Variants in SPRED2 observed in about 807,000 individuals in gnomAD.
SPRED2 encodes sprouty related EVH1 domain containing 2, also known as sprouty-related, EVH1 domain-containing protein 2.
SPRED2 carries 47 observed loss-of-function variants against 43.0 expected under a neutral mutation model. The observed-to-expected ratio is 1.09, with a 90% CI of 0.87 to 1.40. SPRED2 has a LOEUF of 1.40. SPRED2 is among the 40% of genes most tolerant of loss of function. The pLI, the probability that SPRED2 is intolerant of heterozygous loss-of-function variation, is 0.00. For missense variants in SPRED2, 561 were observed against 586.4 expected, an observed-to-expected ratio of 0.96 and a Z score of 0.45; for synonymous variants, 225 against 225.7, an observed-to-expected ratio of 1.00 and a Z score of 0.03.
chr2:65,372,542 G>C (rs1455836975), intron 1 of SPRED2, among the ~76,000 whole-genome samples: 1 of 152,156 alleles, frequency 6.6e-6, no homozygotes, highest in Non-Finnish European at 1.5e-5. Context: ...TGGCAAAAGA[G>C]TGTTGAGGAC....
chr2:65,383,922 G>A (rs946666989), intron 1 of SPRED2, among the ~76,000 whole-genome samples: 3 of 152,184 alleles, frequency 2.0e-5, no homozygotes, highest in Non-Finnish European at 4.4e-5. Flanking sequence ...CAAAAACCTT[G>A]ATCTGCAGGT....
intron 1 of SPRED2, among the ~76,000 whole-genome samples, chr2:65,394,444 G>A (rs1675707232): frequency 6.6e-6 from 1 of 152,250 alleles, no homozygotes; most frequent in African/African-American, 2.4e-5. Context: ...TTTAAAAGCA[G>A]CCTCAATGAA....
At chr2:65,364,202 A>C (rs769814621) in intron 1 of SPRED2, among the ~76,000 whole-genome samples, 11 of 152,224 alleles carry the variant, frequency 7.2e-5, no homozygotes, top group Non-Finnish European at 1.2e-4. Context: ...GACTCCAGTA[A>C]ATCTATGAAT....
At chr2:65,348,536 C>T (rs1674416445) in intron 1 of SPRED2, among the ~76,000 whole-genome samples, 1 of 152,168 alleles carries the variant, frequency 6.6e-6, no homozygotes, top group Admixed American at 6.6e-5. Context: ...GAAGCGGTGG[C>T]TCATGCCTGT....
intron 1 of SPRED2, among the ~76,000 whole-genome samples, chr2:65,425,130 T>G (rs1676527027): frequency 1.3e-5 from 2 of 152,188 alleles, no homozygotes; most frequent in South Asian, 4.1e-4. Context: ...CATTACCAGA[T>G]GAACAAATGA....
chr2:65,330,065 C>T (rs187351021), intron 4 of SPRED2, among the ~76,000 whole-genome samples: 1 of 152,308 alleles, frequency 6.6e-6, no homozygotes, highest in East Asian at 1.9e-4. Flanking sequence ...CCAGCCTCAC[C>T]CCCAGCGAGG....
At chr2:65,357,860 C>A (rs957359181) in intron 1 of SPRED2, among the ~76,000 whole-genome samples, 2 of 152,146 alleles carry the variant, frequency 1.3e-5, no homozygotes, top group Admixed American at 6.5e-5. Flanking sequence ...TTCTCACAAC[C>A]GGGTGAGGCA....
chr2:65,315,721 C>G (rs1673212622), intron 5 of SPRED2, among the ~76,000 whole-genome samples: 1 of 152,234 alleles, frequency 6.6e-6, no homozygotes, highest in Non-Finnish European at 1.5e-5. Context: ...CGCAATGGCG[C>G]AATCTTGGCT....
At chr2:65,315,841 G>C (rs1235009513) in intron 5 of SPRED2, among the ~76,000 whole-genome samples, 1 of 152,148 alleles carries the variant, frequency 6.6e-6, no homozygotes, top group Non-Finnish European at 1.5e-5. Flanking sequence ...TGTATTTTTA[G>C]TAGACACGGG....
chr2:65,328,182 C>G (rs566872144), intron 4 of SPRED2, among the ~76,000 whole-genome samples: 1 of 152,300 alleles, frequency 6.6e-6, no homozygotes, highest in East Asian at 1.9e-4. Context: ...TTTTGATCAA[C>G]TGATCTTCTA....
intron 3 of SPRED2, chr2:65,334,218 TG>T (rs774802732): frequency 2.1e-6 from 1 of 472,532 alleles, no homozygotes; most frequent in South Asian, 1.5e-5. Context: ...AGGAGGACAG[TG>T]GGTAGGCCAG....
intron 1 of SPRED2, among the ~76,000 whole-genome samples, chr2:65,411,659 G>A (rs1676163271): frequency 6.6e-6 from 1 of 152,134 alleles, no homozygotes; most frequent in Admixed American, 6.5e-5. Context: ...TACAAATCAA[G>A]GAAAGCTGAC....
chr2:65,423,925 G>C (rs1365416031), intron 1 of SPRED2, among the ~76,000 whole-genome samples: 1 of 152,042 alleles, frequency 6.6e-6, no homozygotes, highest in African/African-American at 2.4e-5. Flanking sequence ...GAGTAGCTGG[G>C]ATTACAGGCA....
At chr2:65,406,820 C>A (rs930697826) in intron 1 of SPRED2, among the ~76,000 whole-genome samples, 2 of 152,232 alleles carry the variant, frequency 1.3e-5, no homozygotes, top group Non-Finnish European at 2.9e-5. Context: ...ATCCACCTTT[C>A]CTGAGAGCTC....
chr2:65,372,170 G>GA (rs932154625), intron 1 of SPRED2, among the ~76,000 whole-genome samples: 2 of 152,124 alleles, frequency 1.3e-5, no homozygotes, highest in Middle Eastern at 3.2e-3. Context: ...AAGGCAAAGG[G>GA]AACTCACATT....
At chr2:65,410,765 A>G (rs1676139155) in intron 1 of SPRED2, among the ~76,000 whole-genome samples, 1 of 152,122 alleles carries the variant, frequency 6.6e-6, no homozygotes, top group Admixed American at 6.5e-5. Flanking sequence ...TCTCAAAAAA[A>G]AAAAAAAAAA....
Position 65,431,981 on chromosome 2 carries a change from C to T in SPRED2, c.7G>A (p.Glu3Lys), listed in dbSNP as rs1385380477. The change falls in exon 1 of 6, where the codon GAA (glutamate) becomes AAA (lysine). Residue 3 changes from glutamate (E) to lysine (K), a missense_variant. Physicochemically the swap from Glu to Lys is moderately conservative, Grantham distance 56. This residue lies in a region of SPRED2 where 305 missense variants were observed against 282.4 expected (regional missense o/e 1.08). Transcript: ENST00000356388. MT[E>K]ETHPDDDSYI... ...ACTTACTCGTCTGGGTGTGTTTCTT[C>T]GGTCATTTTCTTGTTCACCTAGACG... The T allele has an allele frequency of 5.6e-6, 9 of 1,613,944 alleles. No individual in the cohort carries two copies. The highest frequency in any genetic ancestry group is 7.6e-6 in the Non-Finnish European group (9 of 1,179,956).
chr2:65,393,984 G>T (rs1428096869), intron 1 of SPRED2, among the ~76,000 whole-genome samples: 1 of 152,014 alleles, frequency 6.6e-6, no homozygotes, highest in Non-Finnish European at 1.5e-5. Context: ...TCTGAAATGG[G>T]GCTAAAACTA....
downstream of SPRED2, chr2:65,308,390 G>A: frequency 3.0e-6 from 3 of 985,466 alleles, no homozygotes; most frequent in Non-Finnish European, 3.6e-6. Context: ...CCTTGGAGCT[G>A]TGAACATACC....
Sources: allele counts gnomAD v4.1 joint callset (sites outside exome capture counted in the v4.1 genomes callset), GRCh38; gene constraint gnomAD v4.1.1; regional missense constraint gnomAD v4.1.1; transcripts MANE v1.5; gene names NCBI Gene and HGNC (gene_info 2026-07-23, HGNC 2026-07-21).